Variants in PLEKHA7 observed in about 807,000 individuals in gnomAD.
The protein encoded by PLEKHA7 is pleckstrin homology domain containing A7, also known as pleckstrin homology domain-containing family A member 7.
In PLEKHA7, 104 loss-of-function variants were observed where a neutral mutation model predicts 170.0. That is an observed-to-expected ratio of 0.61 (90% confidence interval 0.52 to 0.72). The LOEUF (loss-of-function observed/expected upper bound fraction) is 0.72. Ranked by LOEUF, PLEKHA7 falls within the 30% of genes least tolerant of loss-of-function variation. PLEKHA7 has a pLI of 0.00. For synonymous variants in PLEKHA7, 648 were observed against 660.8 expected (o/e 0.98, Z 0.30); for missense variants, 1,615 against 1,671.7 (o/e 0.97, Z 0.59).
In PLEKHA7 at chr11:16,852,324, C is replaced by G; in HGVS notation, c.554G>C (p.Arg185Thr). 1 of 1,614,056 alleles carries G rather than the reference C, an allele frequency of 6.2e-7. No individual in the cohort carries two copies. The highest frequency in any genetic ancestry group is 8.5e-7 in the Non-Finnish European group (1 of 1,179,986). The change falls in exon 7 of 27, where the codon AGG becomes ACG. Residue 185 changes from arginine to threonine, a missense_variant. Arg to Thr is a moderately conservative substitution (Grantham distance 71). Transcript: ENST00000531066. ...DSSGMRLWKR[R>T]WFVLADYCLF... Reference sequence around the variant, plus strand: ...GCAGTAATCAGCAAGCACAAACCACCTCCTTTTCCACAGCCTCATCCCAGA... The same window carrying G: ...GCAGTAATCAGCAAGCACAAACCACGTCCTTTTCCACAGCCTCATCCCAGA...
At chr11:16,947,915 C>CAAA (rs756124686) in intron 3 of PLEKHA7, among the ~76,000 whole-genome samples, 1 of 67,020 alleles carries the variant, frequency 1.5e-5, no homozygotes, top group Non-Finnish European at 3.0e-5. Flanking sequence ...GACTCCGTCT[C>CAAA]AAAAAAAAAA....
chr11:16,811,227 T>G (rs1322355025), intron 13 of PLEKHA7, among the ~76,000 whole-genome samples: 1 of 152,208 alleles, frequency 6.6e-6, no homozygotes, highest in Admixed American at 6.5e-5. Flanking sequence ...GGCAGCTATT[T>G]CTCACTGCTC....
chr11:16,813,438 G>A, intron 12 of PLEKHA7: 1 of 380,940 alleles, frequency 2.6e-6, no homozygotes, highest in South Asian at 3.0e-5. Context: ...TCCTACCCCA[G>A]GGCTAGGGTA....
intron 4 of PLEKHA7, 97 bp from the exon 5 acceptor site, chr11:16,856,011 T>G: frequency 1.0e-6 from 1 of 996,258 alleles, no homozygotes; most frequent in Non-Finnish European, 1.6e-6. Flanking sequence ...TGTTGGGCCT[T>G]AGAACAACCC....
intron 3 of PLEKHA7, among the ~76,000 whole-genome samples, chr11:17,002,987 GCCT>G (rs1565197754): frequency 1.8e-5 from 2 of 114,050 alleles, no homozygotes. Flanking sequence ...GAATAGTTGT[GCCT>G]TTTTTTTTTT....
intron 10 of PLEKHA7, among the ~76,000 whole-genome samples, chr11:16,820,536 C>T (rs531557874): frequency 1.3e-5 from 2 of 151,238 alleles, no homozygotes; most frequent in East Asian, 4.0e-4. Context: ...GTGCCTGAAT[C>T]CTCAAAACAG....
chr11:16,951,530 C>T (rs770805130), intron 3 of PLEKHA7, among the ~76,000 whole-genome samples: 5 of 151,976 alleles, frequency 3.3e-5, no homozygotes, highest in Non-Finnish European at 7.4e-5. Context: ...TACGGAGGCC[C>T]AGAGATGATA....
At chr11:16,909,790 T>C (rs1011524747) in intron 3 of PLEKHA7, among the ~76,000 whole-genome samples, 2 of 152,188 alleles carry the variant, frequency 1.3e-5, no homozygotes, top group African/African-American at 4.8e-5. Flanking sequence ...TCAGGCCTCA[T>C]GTATGAATTA....
At chr11:16,903,724 C>G (rs1488287456) in intron 3 of PLEKHA7, among the ~76,000 whole-genome samples, 1 of 152,192 alleles carries the variant, frequency 6.6e-6, no homozygotes, top group East Asian at 1.9e-4. Context: ...ACAGAGTCCT[C>G]CAGGCAGAAA....
intron 3 of PLEKHA7, among the ~76,000 whole-genome samples, chr11:16,899,696 G>A (rs935773786): frequency 6.6e-6 from 1 of 152,122 alleles, no homozygotes; most frequent in African/African-American, 2.4e-5. Context: ...TATGTCTCAG[G>A]CACTGTGCTA....
At chr11:16,927,128 C>T (rs549848534) in intron 3 of PLEKHA7, among the ~76,000 whole-genome samples, 48 of 152,244 alleles carry the variant, frequency 3.2e-4, no homozygotes, top group African/African-American at 1.1e-3. Context: ...TTTGAGACTG[C>T]GGTGATCTGT....
At chr11:16,795,855 T>TTC (rs1206147346) in intron 17 of PLEKHA7, among the ~76,000 whole-genome samples, 3 of 138,266 alleles carry the variant, frequency 2.2e-5, no homozygotes, top group Non-Finnish European at 3.2e-5. Context: ...TTTTTCCTTT[T>TTC]TTTTTTTTTT....
rs144585505 is a variant in PLEKHA7, at chr11:16,801,055, G to A, written c.2328C>T (p.Asn776=). The part of the protein sequence containing the change: ...RESTEMENAW[N]EYLKLENDVE... ...CATCATTCTCCAACTTCAGGTATTCGTTCCAAGCATTTTCCATCTCCTGTT... is the reference window on the plus strand; with the variant it reads ...CATCATTCTCCAACTTCAGGTATTCATTCCAAGCATTTTCCATCTCCTGTT... Residue 776 remains asparagine, a synonymous_variant, in exon 17 of 27, where the codon AAC becomes AAT. Transcript: ENST00000531066. 9.3e-5 allele frequency: 150 copies of A among 1,614,166 alleles called. No individual in the cohort carries two copies. In the African/African-American group the frequency reaches 1.2e-3, roughly 13 times the overall value.
chr11:16,778,890 G>A lies in PLEKHA7; in HGVS notation c.*108C>T. On this transcript the variant is annotated 3_prime_UTR_variant, in exon 27 of 27. Coordinates refer to ENST00000531066, the MANE Select transcript of PLEKHA7 (RefSeq NM_001329630.2). ...CGGTAAGCTGCTCCTTCCTCCGGCC[G>A]GATTCCCTGCTCAGCTGGAAGGGGT... 1.1e-5 allele frequency: 8 copies of A among 698,902 alleles called. No individual in the cohort carries two copies. Among genetic ancestry groups the A allele is most frequent in the Middle Eastern group, 2.4e-4 (1 of 4,174 alleles). The allele number at this position is 698,902 out of a possible 1,614,324, so 43.3% of individuals were successfully genotyped here.
At chr11:16,891,798 G>A (rs1327463138) in intron 3 of PLEKHA7, among the ~76,000 whole-genome samples, 1 of 152,196 alleles carries the variant, frequency 6.6e-6, no homozygotes, top group African/African-American at 2.4e-5. Context: ...ACAGACCAGG[G>A]CTGTGAAGGG....
intron 9 of PLEKHA7, 30 bp downstream of exon 9, chr11:16,841,517 C>T (rs1257143799): frequency 1.2e-6 from 2 of 1,600,784 alleles, no homozygotes; most frequent in South Asian, 1.1e-5. Context: ...GTAGGAGGTG[C>T]TGTGGCAGGG....
intron 3 of PLEKHA7, among the ~76,000 whole-genome samples, chr11:17,002,296 C>G (rs966313111): frequency 6.6e-6 from 1 of 152,084 alleles, no homozygotes; most frequent in African/African-American, 2.4e-5. Flanking sequence ...CGCAGCTACT[C>G]AGGAGGCTGA....
intron 3 of PLEKHA7, among the ~76,000 whole-genome samples, chr11:16,907,160 TG>T (rs758170721): frequency 2.4e-5 from 2 of 82,226 alleles, no homozygotes; most frequent in East Asian, 3.9e-4. Flanking sequence ...GGAAGGGAGG[TG>T]GGGGGGTTAG....
chr11:16,907,419 C>T (rs1479885559), intron 3 of PLEKHA7, among the ~76,000 whole-genome samples: 3 of 129,034 alleles, frequency 2.3e-5, no homozygotes, highest in African/African-American at 6.0e-5. Flanking sequence ...CCAGCCGCCC[C>T]GTCCGGGAGG....
Sources: allele counts gnomAD v4.1 joint callset (sites outside exome capture counted in the v4.1 genomes callset), GRCh38; gene constraint gnomAD v4.1.1; transcripts MANE v1.5; gene names NCBI Gene and HGNC (gene_info 2026-07-23, HGNC 2026-07-21).